Variants in GPSM1 observed in about 807,000 individuals in gnomAD.
GPSM1 encodes G protein signaling modulator 1, also known as G protein-signaling modulator 1.
Under a neutral mutation model 70.5 loss-of-function variants are expected in GPSM1, and 48 were observed. The ratio of observed to expected loss-of-function variants is 0.68; its 90% confidence interval spans 0.54 to 0.87. The LOEUF (loss-of-function observed/expected upper bound fraction) is 0.87, where lower values mean the gene tolerates loss of function less well. Among genes scored for constraint, GPSM1 ranks in the 40% least tolerant of loss-of-function variants. The probability of loss-of-function intolerance (pLI) is 0.00; values close to 1 mark genes in which losing one functional copy is unlikely to be tolerated. For missense variants in GPSM1, 981 were observed against 972.6 expected (o/e 1.01, Z -0.11); for synonymous variants, 416 against 430.1 (o/e 0.97, Z 0.41).
At chr9:136,351,309 C>T (rs566358717) in intron 11 of GPSM1, among the ~76,000 whole-genome samples, 14 of 152,144 alleles carry the variant, frequency 9.2e-5, no homozygotes, top group South Asian at 2.1e-4. Flanking sequence ...CAGGCCTTCC[C>T]GGGGGTCCCG....
At chr9:136,336,325 C>A (rs1352111940) in intron 3 of GPSM1, among the ~76,000 whole-genome samples, 1 of 152,146 alleles carries the variant, frequency 6.6e-6, no homozygotes. Context: ...CACCTTCCAC[C>A]CTCAGTTCTG....
intron 11 of GPSM1, among the ~76,000 whole-genome samples, chr9:136,351,580 C>T (rs1832663560): frequency 6.6e-6 from 1 of 152,192 alleles, no homozygotes; most frequent in Admixed American, 6.5e-5. Context: ...GTCACCCCAA[C>T]AAACTGCCCT....
At chr9:136,357,670 T>C (rs546578135) in intron 13 of GPSM1, among the ~76,000 whole-genome samples, 1 of 152,188 alleles carries the variant, frequency 6.6e-6, no homozygotes, top group South Asian at 2.1e-4. Flanking sequence ...TGCCCGTCCC[T>C]GGGGATCAGC....
In GPSM1 at chr9:136,342,767, A is replaced by AG. The variant is rs1200385273; in HGVS notation, c.1207+1780dup. Among the ~76,000 whole-genome samples the AG allele has an allele frequency of 2.1e-5, 3 of 140,498 alleles. No homozygotes were observed. Among genetic ancestry groups the AG allele is most frequent in the Admixed American group, 6.9e-5 (1 of 14,510 alleles). 92.2% of individuals were successfully genotyped at this position (140,498 alleles called of 152,430 possible). On this transcript the variant is annotated intron_variant, in intron 9 of 13. Coordinates refer to ENST00000440944, the MANE Select transcript of GPSM1 (RefSeq NM_001145638.3). The surrounding 1 kb of genome is among the most constrained non-coding windows in gnomAD (Gnocchi z 5.5). Reference sequence around the variant, plus strand: ...GTGGATCTGCGAGCTGCGGGAGGGGAGGGGGGTGCAGAGCCGCGCTAGAGC... The same window carrying AG: ...GTGGATCTGCGAGCTGCGGGAGGGGAGGGGGGGTGCAGAGCCGCGCTAGAGC...
chr9:136,337,885 G>T lies in GPSM1; in HGVS notation c.742G>T (p.Glu248Ter). 6.2e-7 allele frequency: 1 copy of T among 1,612,432 alleles called. No individual in the cohort carries two copies. The highest frequency in any genetic ancestry group is 8.5e-7 in the Non-Finnish European group (1 of 1,179,746). The change falls in exon 6 of 14, where the codon GAG (glutamate) becomes TAG (stop). Residue 248 changes from glutamate (E) to a stop codon, truncating the protein, a stop_gained. Transcript: ENST00000440944. LOFTEE classifies it high-confidence loss of function. ...TAAGGAGTTTGGAGACAAGGCAGCC[G>T]AGAGGAGGGCCTACAGCAACCTGGG... is the stretch of plus-strand genomic sequence containing the variant. ...IAKEFGDKAA[E>*]RRAYSNLGNA...
At chr9:136,346,253 C>T (rs1457421210) in intron 9 of GPSM1, among the ~76,000 whole-genome samples, 2 of 152,254 alleles carry the variant, frequency 1.3e-5, no homozygotes, top group Non-Finnish European at 2.9e-5. Flanking sequence ...CGGTCCCTGC[C>T]CAGCTCTCAT....
intron 1 of GPSM1, among the ~76,000 whole-genome samples, chr9:136,328,032 C>T (rs902016119): frequency 2.6e-5 from 4 of 152,148 alleles, no homozygotes; most frequent in African/African-American, 7.2e-5. Context: ...CCTCACTCCC[C>T]TGGCACCTGG....
At chr9:136,328,678 G>A (rs1440540206) in intron 1 of GPSM1, among the ~76,000 whole-genome samples, 3 of 152,224 alleles carry the variant, frequency 2.0e-5, no homozygotes, top group South Asian at 2.1e-4. Context: ...TACTGGTGGC[G>A]GCACGGCGGA....
Position 136,341,042 on chromosome 9 carries a change from G to T in GPSM1, c.1207+49G>T. The T allele has an allele frequency of 6.4e-7, 1 of 1,558,930 alleles. No homozygotes were observed. Among genetic ancestry groups the T allele is most frequent in the Non-Finnish European group, 8.7e-7 (1 of 1,151,844 alleles). ...GTCTTGCTCCCCACAGGCACGGACC[G>T]CATCAGGAGCTGCGGAGGGGTGGGA... On this transcript the variant is annotated intron_variant, in intron 9 of 13. Coordinates refer to ENST00000440944, the MANE Select transcript of GPSM1 (RefSeq NM_001145638.3). This position sits in a 1 kb window ranked among gnomAD's most constrained non-coding sequence, Gnocchi z 6.7.
chr9:136,342,926 G>A lies in GPSM1; in HGVS notation c.1207+1933G>A, dbSNP rs535453126. 3.9e-5 allele frequency among the ~76,000 whole-genome samples: 6 copies of A among 152,234 alleles called. No individual in the cohort carries two copies. The highest frequency in any genetic ancestry group is 8.8e-5 in the Non-Finnish European group (6 of 67,984). Reference sequence around the variant, plus strand: ...GGACGCGGTGGGGCGTGGCCTTGCTGTTGTGGGCGTGGTCCATGGGGGCGG... The same window carrying A: ...GGACGCGGTGGGGCGTGGCCTTGCTATTGTGGGCGTGGTCCATGGGGGCGG... On this transcript the variant is annotated intron_variant, in intron 9 of 13. Transcript: ENST00000440944. This position sits in a 1 kb window ranked among gnomAD's most constrained non-coding sequence, Gnocchi z 5.5.
At position 136,356,344 on chromosome 9, in the gene GPSM1, C is replaced by T; in HGVS notation, c.1615C>T (p.Gln539Ter). Residue 539 changes from glutamine (Q) to a stop codon, truncating the protein, a stop_gained and splice_region_variant, in exon 13 of 14, where the codon CAG becomes TAG. Coordinates refer to ENST00000440944, the MANE Select transcript of GPSM1 (RefSeq NM_001145638.3). LOFTEE classifies it high-confidence loss of function. The stretch of plus-strand genomic sequence containing the variant: ...TCTCACCCTCTGGCCCCCCGCAGCC[C>T]AGCCCTCGATGACGGCCTCGCCCCA... ...AAPTLEDRIA[Q>*]PSMTASPQTE... 6.3e-7 allele frequency: 1 copy of T among 1,580,826 alleles called. No individual in the cohort carries two copies. The highest frequency in any genetic ancestry group is 8.6e-7 in the Non-Finnish European group (1 of 1,161,992).
rs1554769867 is a variant in GPSM1, at chr9:136,339,756, A to G, written c.1024A>G (p.Met342Val). The G allele has an allele frequency of 4.5e-6, 7 of 1,550,168 alleles. No homozygotes were observed. The highest frequency in any genetic ancestry group is 6.1e-6 in the Non-Finnish European group (7 of 1,146,784). ...GAGCCTGGGAAATGCCTACGTGTCCATGGGGCGCCCAGCGCAGGCCCTGAC... is the reference window on the plus strand; with the variant it reads ...GAGCCTGGGAAATGCCTACGTGTCCGTGGGGCGCCCAGCGCAGGCCCTGAC... Reference protein sequence around the residue: ...CWSLGNAYVSMGRPAQALTFA... With the variant: ...CWSLGNAYVSVGRPAQALTFA... Residue 342 changes from methionine to valine, a missense_variant, in exon 8 of 14, where the codon ATG becomes GTG. Transcript: ENST00000440944.
Position 136,339,678 on chromosome 9 carries a change from G to A in GPSM1, c.975-29G>A, listed in dbSNP as rs1322162581. 3.5e-6 allele frequency: 5 copies of A among 1,434,620 alleles called. No individual in the cohort carries two copies. The Admixed American group carries it at 7.9e-5, about 23-fold the overall frequency. The allele number at this position is 1,434,620 out of a possible 1,614,324, so 88.9% of individuals were successfully genotyped here. A position where few individuals can be genotyped will look rare whatever the true frequency, so the allele number is the denominator to read the frequency against. ...GCTGGGGGCTGGCCTGGAGAGGGCG[G>A]GTATGAATCTGGTCTCCCTCTCTGG... On this transcript the variant is annotated intron_variant, in intron 7 of 13. Transcript: ENST00000440944.
chr9:136,356,352 G>A lies in GPSM1; in HGVS notation c.1623G>A (p.Ser541=), dbSNP rs79557901. 5.5e-3 allele frequency: 8,689 copies of A among 1,589,020 alleles called. 40 individuals carry two copies. Among genetic ancestry groups the A allele is most frequent in the Non-Finnish European group, 6.3e-3 (7,305 of 1,165,898 alleles). The change falls in exon 13 of 14, where the codon TCG becomes TCA. Residue 541 remains serine (S), a synonymous_variant. Transcript: ENST00000440944. The part of the protein sequence containing the change: ...PTLEDRIAQP[S]MTASPQTEEF... ...TCTGGCCCCCCGCAGCCCAGCCCTC[G>A]ATGACGGCCTCGCCCCAGACCGAGG...
intron 9 of GPSM1, among the ~76,000 whole-genome samples, chr9:136,347,908 A>T (rs1250941701): frequency 6.6e-6 from 1 of 152,052 alleles, no homozygotes; most frequent in Non-Finnish European, 1.5e-5. Flanking sequence ...CTGTGTTGGG[A>T]CAGGGCTGAG....
chr9:136,356,451 G>A lies in GPSM1; in HGVS notation c.1722G>A (p.Pro574=), dbSNP rs782534011. The change falls in exon 13 of 14, where the codon CCG becomes CCA. Residue 574 remains proline, a synonymous_variant. Coordinates refer to ENST00000440944, the MANE Select transcript of GPSM1 (RefSeq NM_001145638.3). ...DDQRASVGSL[P]GLRITHSNAG... ...AGCGGGCCAGCGTGGGCAGCCTGCC[G>A]GGGCTGCGAATCACCCACAGCAATG... 48 of 1,611,388 alleles carry A rather than the reference G, an allele frequency of 3.0e-5. No individual in the cohort carries two copies. Among genetic ancestry groups the A allele is most frequent in the Admixed American group, 1.7e-4 (10 of 59,924 alleles).
rs555594473 is a variant in GPSM1 at position 136,358,405 on chromosome 9, C to T, written c.*185C>T. ...GTGGTGGGAGGGCGTGCTTCCATCC[C>T]GGGCTGGCCCCCATGGCCCTCAGCT... is the stretch of plus-strand genomic sequence containing the variant. On this transcript the variant is annotated 3_prime_UTR_variant, in exon 14 of 14. Coordinates refer to ENST00000440944, the MANE Select transcript of GPSM1 (RefSeq NM_001145638.3). The T allele has an allele frequency of 9.8e-5, 60 of 611,392 alleles. 1 individual carries two copies. The Admixed American group carries it at 1.3e-3, about 13-fold the overall frequency. 37.9% of individuals were successfully genotyped at this position (611,392 alleles called of 1,614,324 possible).
chr9:136,349,410 G>T (rs1832602383), intron 10 of GPSM1, among the ~76,000 whole-genome samples, 177 bp from the exon 11 acceptor site: 1 of 152,198 alleles, frequency 6.6e-6, no homozygotes, highest in Admixed American at 6.5e-5. Flanking sequence ...ACCCCACCCT[G>T]CCTCTCCCGG....
intron 1 of GPSM1, among the ~76,000 whole-genome samples, chr9:136,333,898 G>T (rs1554768804): frequency 6.6e-6 from 1 of 152,132 alleles, no homozygotes; most frequent in Admixed American, 6.5e-5. Flanking sequence ...CCAGGCCCTG[G>T]CTGGGAGAGC....
Sources: gnomAD v4.1 joint callset for allele counts (sites outside exome capture counted in the v4.1 genomes callset) on GRCh38, gnomAD v4.1.1 for gene constraint, Gnocchi (gnomAD v3.1) non-coding constraint, MANE v1.5 for transcripts, NCBI Gene and HGNC (gene_info 2026-07-23, HGNC 2026-07-21) for gene names.